HCN1: variants seen among roughly 807,000 people sequenced by gnomAD.
HCN1 encodes the protein potassium/sodium hyperpolarization-activated cyclic nucleotide-gated channel 1.
In HCN1, 13 loss-of-function variants were observed where a neutral mutation model predicts 78.9. The observed-to-expected ratio is 0.16, with a 90% CI of 0.11 to 0.26. The LOEUF (loss-of-function observed/expected upper bound fraction) is 0.26, where lower values mean the gene tolerates loss of function less well. Ranked by LOEUF, HCN1 falls within the 10% of genes least tolerant of loss-of-function variation. The probability of loss-of-function intolerance (pLI) is 1.00; values close to 1 mark genes in which losing one functional copy is unlikely to be tolerated. For missense variants in HCN1, 810 were observed against 1,154.3 expected, an observed-to-expected ratio of 0.70 and a Z score of 4.32; for synonymous variants, 552 against 455.5, an observed-to-expected ratio of 1.21 and a Z score of -2.70.
At chr5:45,316,567 A>T (rs1745998583) in intron 5 of HCN1, among the ~76,000 whole-genome samples, 1 of 152,196 alleles carries the variant, frequency 6.6e-6, no homozygotes, top group Non-Finnish European at 1.5e-5. Context: ...TGGCCAGGGC[A>T]ATCAGGCAGG....
chr5:45,573,098 T>C (rs1369629461), intron 2 of HCN1, among the ~76,000 whole-genome samples: 2 of 152,178 alleles, frequency 1.3e-5, no homozygotes, highest in Non-Finnish European at 2.9e-5. Context: ...TTACTTGTTT[T>C]AAGAAATTTC....
chr5:45,552,171 T>G (rs937089464), intron 2 of HCN1, among the ~76,000 whole-genome samples: 1 of 151,952 alleles, frequency 6.6e-6, no homozygotes, highest in Non-Finnish European at 1.5e-5. Flanking sequence ...ATAACATCTT[T>G]GGCGAAATCT....
chr5:45,378,620 G>A (rs191810332), intron 4 of HCN1, among the ~76,000 whole-genome samples: 1 of 152,014 alleles, frequency 6.6e-6, no homozygotes, highest in Non-Finnish European at 1.5e-5. Context: ...TTTCTTTCAT[G>A]TGCACTTTTT....
chr5:45,296,927 C>T (rs1745507069), intron 6 of HCN1, among the ~76,000 whole-genome samples: 1 of 151,902 alleles, frequency 6.6e-6, no homozygotes, highest in Non-Finnish European at 1.5e-5. Flanking sequence ...AACTTTATAT[C>T]CACAAGGAAA....
At chr5:45,373,405 A>T (rs1390606754) in intron 4 of HCN1, among the ~76,000 whole-genome samples, 1 of 133,538 alleles carries the variant, frequency 7.5e-6, no homozygotes, top group Non-Finnish European at 1.5e-5. Flanking sequence ...TATATTATAT[A>T]AAATATATTA....
intron 4 of HCN1, among the ~76,000 whole-genome samples, chr5:45,391,048 G>A (rs1379768159): frequency 6.6e-6 from 1 of 151,828 alleles, no homozygotes; most frequent in Non-Finnish European, 1.5e-5. Flanking sequence ...GTTAAATTCA[G>A]TTCCCGGGAA....
intron 2 of HCN1, among the ~76,000 whole-genome samples, chr5:45,490,296 A>C (rs1741856230): frequency 6.6e-6 from 1 of 152,190 alleles, no homozygotes; most frequent in Non-Finnish European, 1.5e-5. Flanking sequence ...TGAAAGAAAC[A>C]GATACCAAAG....
Position 45,405,979 on chromosome 5 carries a change from CTT to C in HCN1, c.1012-9271_1012-9270del, listed in dbSNP as rs1004892227. ...AAATACAAAATTTGCATTAAATAGA[CTT>C]ATAAATTAAAATTTAGTGATGCTTG... On this transcript the variant is annotated intron_variant, in intron 3 of 7. Coordinates refer to ENST00000303230, the MANE Select transcript of HCN1 (RefSeq NM_021072.4). Among the ~76,000 whole-genome samples the C allele has an allele frequency of 5.9e-5, 9 of 151,976 alleles. No homozygotes were observed. The East Asian group carries it at 1.3e-3, about 23-fold the overall frequency.
At chr5:45,580,907 T>C (rs1324689187) in intron 2 of HCN1, among the ~76,000 whole-genome samples, 1 of 152,224 alleles carries the variant, frequency 6.6e-6, no homozygotes, top group Non-Finnish European at 1.5e-5. Context: ...ATGGTGTGTA[T>C]GTGCCACATT....
intron 2 of HCN1, among the ~76,000 whole-genome samples, chr5:45,495,915 G>A (rs10473388): frequency 1.6e-4 from 25 of 152,184 alleles, no homozygotes; most frequent in African/African-American, 2.2e-4. Context: ...ATTGATTTGC[G>A]TATATTGAAC....
intron 5 of HCN1, among the ~76,000 whole-genome samples, chr5:45,319,072 A>G (rs1190836040): frequency 6.6e-6 from 1 of 151,940 alleles, no homozygotes; most frequent in African/African-American, 2.4e-5. Context: ...TTATACTACA[A>G]TTTATTTATC....
intron 2 of HCN1, among the ~76,000 whole-genome samples, chr5:45,619,608 G>A (rs1215817178): frequency 6.6e-6 from 1 of 151,780 alleles, no homozygotes; most frequent in Non-Finnish European, 1.5e-5. Flanking sequence ...AATAAATGCA[G>A]AATAAATGAG....
chr5:45,370,021 A>G (rs1747320455), intron 4 of HCN1, among the ~76,000 whole-genome samples: 1 of 152,000 alleles, frequency 6.6e-6, no homozygotes, highest in Admixed American at 6.6e-5. Context: ...CTGGGGTTGA[A>G]ATAAAAAAAA....
chr5:45,628,422 A>G lies in HCN1; in HGVS notation c.849+16763T>C, dbSNP rs567010643. On this transcript the variant is annotated intron_variant, in intron 2 of 7. Coordinates refer to ENST00000303230, the MANE Select transcript of HCN1 (RefSeq NM_021072.4). ...CTCAAAAAATCACCTACTTAAAAAA[A>G]TCACAAAGGAAAAGATAGAACAAAA... Among the ~76,000 whole-genome samples the G allele has an allele frequency of 7.3e-4, 111 of 152,320 alleles. 1 individual carries two copies. Among genetic ancestry groups the G allele is most frequent in the Non-Finnish European group, 1.4e-3 (97 of 68,026 alleles).
In HCN1 at chr5:45,368,155, T is replaced by C. The variant is rs181052499; in HGVS notation, c.1231-14909A>G. Reference sequence around the variant, plus strand: ...ATTCTAATAGAAGAAGAGTAGATTCTGTTTCAATTAATACACGTTTTGTGT... The same window carrying C: ...ATTCTAATAGAAGAAGAGTAGATTCCGTTTCAATTAATACACGTTTTGTGT... On this transcript the variant is annotated intron_variant, in intron 4 of 7. Coordinates refer to ENST00000303230, the MANE Select transcript of HCN1 (RefSeq NM_021072.4). Among the ~76,000 whole-genome samples, 98 of 152,190 alleles carry C rather than the reference T, an allele frequency of 6.4e-4. 1 individual carries two copies. In the East Asian group the frequency reaches 0.011, roughly 17 times the overall value.
Position 45,327,002 on chromosome 5 carries a change from A to C in HCN1, c.1378-23163T>G, listed in dbSNP as rs760335157. ...GAAGCAGACAAAAATTAAAATTAAAAATACTAAAATTAAGGAATTGTATAT... is the reference window on the plus strand; with the variant it reads ...GAAGCAGACAAAAATTAAAATTAAACATACTAAAATTAAGGAATTGTATAT... On this transcript the variant is annotated intron_variant, in intron 5 of 7. Coordinates refer to ENST00000303230, the MANE Select transcript of HCN1 (RefSeq NM_021072.4). Among the ~76,000 whole-genome samples the C allele has an allele frequency of 1.8e-4, 28 of 151,794 alleles. 1 individual carries two copies. Among genetic ancestry groups the C allele is most frequent in the Non-Finnish European group, 1.2e-4 (8 of 67,774 alleles).
intron 2 of HCN1, among the ~76,000 whole-genome samples, chr5:45,582,888 T>C (rs1386238945): frequency 6.6e-6 from 1 of 152,216 alleles, no homozygotes; most frequent in Non-Finnish European, 1.5e-5. Flanking sequence ...TTATGGTGGA[T>C]AAGCTTTTTG....
At chr5:45,610,100 T>C (rs576578136) in intron 2 of HCN1, among the ~76,000 whole-genome samples, 3 of 152,160 alleles carry the variant, frequency 2.0e-5, no homozygotes, top group Non-Finnish European at 4.4e-5. Context: ...GTTTGTGTTA[T>C]AGAAGAGCTT....
chr5:45,320,373 T>A (rs1746099724), intron 5 of HCN1, among the ~76,000 whole-genome samples: 1 of 151,856 alleles, frequency 6.6e-6, no homozygotes, highest in African/African-American at 2.4e-5. Flanking sequence ...TTTAGGGAGT[T>A]TTTTTGAGGT....
Sources: gnomAD v4.1 joint callset for allele counts (sites outside exome capture counted in the v4.1 genomes callset) on GRCh38, gnomAD v4.1.1 for gene constraint, MANE v1.5 for transcripts, NCBI Gene and HGNC (gene_info 2026-07-23, HGNC 2026-07-21) for gene names.